The following LEF1 variants were observed in gnomAD, a reference collection of about 807,000 sequenced individuals.
The protein encoded by LEF1 is lymphoid enhancer binding factor 1.
A neutral mutation model predicts 51.2 loss-of-function variants in LEF1; 14 were observed. The observed-to-expected ratio is 0.27, with a 90% CI of 0.18 to 0.43. LEF1 has a LOEUF of 0.43. Among genes scored for constraint, LEF1 ranks in the 20% least tolerant of loss-of-function variants. LEF1 has a pLI of 1.00. For missense variants in LEF1, 386 were observed against 512.0 expected, an observed-to-expected ratio of 0.75 and a Z score of 2.37; for synonymous variants, 185 against 183.2, an observed-to-expected ratio of 1.01 and a Z score of -0.08.
At chr4:108,113,458 G>C (rs1046752250) in intron 3 of LEF1, among the ~76,000 whole-genome samples, 1 of 152,150 alleles carries the variant, frequency 6.6e-6, no homozygotes, top group Non-Finnish European at 1.5e-5. Flanking sequence ...TTGTGGGGGT[G>C]GGAGGGAAAC....
chr4:108,068,005 C>T (rs1578300704), intron 9 of LEF1, among the ~76,000 whole-genome samples: 2 of 152,114 alleles, frequency 1.3e-5, no homozygotes, highest in East Asian at 1.9e-4. Flanking sequence ...TGGTGGCTCA[C>T]GCTTATAATC....
chr4:108,081,061 C>A (rs541226896), intron 6 of LEF1, among the ~76,000 whole-genome samples: 19 of 152,256 alleles, frequency 1.2e-4, no homozygotes, highest in Admixed American at 3.3e-4. Context: ...AGGACGCACA[C>A]CCTGTATGGC....
chr4:108,077,932 T>G (rs1739011987), intron 8 of LEF1, among the ~76,000 whole-genome samples: 1 of 152,130 alleles, frequency 6.6e-6, no homozygotes. Flanking sequence ...TCCCAGCTAT[T>G]CGGGAGGTTG....
intron 6 of LEF1, among the ~76,000 whole-genome samples, 153 bp from the exon 7 acceptor site, chr4:108,079,767 T>C (rs1739161821): frequency 6.6e-6 from 1 of 152,166 alleles, no homozygotes; most frequent in South Asian, 2.1e-4. Context: ...AGTGGGCCGA[T>C]AATTATTTTT....
intron 11 of LEF1, 48 bp from the exon 12 acceptor site, chr4:108,048,799 C>T (rs766539413): frequency 1.4e-6 from 2 of 1,380,906 alleles, no homozygotes; most frequent in African/African-American, 2.9e-5. Context: ...TTGCCGTAGG[C>T]CTTAAGATTA....
intron 3 of LEF1, among the ~76,000 whole-genome samples, chr4:108,131,037 C>T (rs1742852645): frequency 6.6e-6 from 1 of 151,918 alleles, no homozygotes; most frequent in Non-Finnish European, 1.5e-5. Context: ...TTAGGAGTCT[C>T]AGTGTATTTT....
At chr4:108,134,021 C>T (rs1743077887) in intron 3 of LEF1, among the ~76,000 whole-genome samples, 1 of 152,036 alleles carries the variant, frequency 6.6e-6, no homozygotes, top group Non-Finnish European at 1.5e-5. Context: ...TTATACTCTC[C>T]CCAGTGGGGT....
chr4:108,137,993 A>C (rs1743405800), intron 3 of LEF1, among the ~76,000 whole-genome samples: 3 of 152,214 alleles, frequency 2.0e-5, no homozygotes, highest in Admixed American at 2.0e-4. Flanking sequence ...CAAATTACTG[A>C]AACCTAAGAG....
intron 3 of LEF1, among the ~76,000 whole-genome samples, chr4:108,149,458 CAAAAAAA>C (rs371482539): frequency 1.7e-5 from 1 of 60,606 alleles, no homozygotes; most frequent in African/African-American, 7.3e-5. Context: ...GACTCCGTCT[CAAAAAAA>C]AAAAAAAAAA....
At chr4:108,104,554 CAG>C (rs1741032244) in intron 3 of LEF1, 2 of 179,462 alleles carry the variant, frequency 1.1e-5, no homozygotes, top group African/African-American at 4.8e-5. Flanking sequence ...GTAGTGATGA[CAG>C]GGGAATTCCA....
At chr4:108,084,866 T>G (rs887335542) in intron 4 of LEF1, among the ~76,000 whole-genome samples, 1 of 152,088 alleles carries the variant, frequency 6.6e-6, no homozygotes, top group African/African-American at 2.4e-5. Flanking sequence ...GAGGAGGTTT[T>G]TCAACTTGCT....
At chr4:108,163,278 C>T (rs937770772) in intron 3 of LEF1, among the ~76,000 whole-genome samples, 1 of 152,092 alleles carries the variant, frequency 6.6e-6, no homozygotes, top group Non-Finnish European at 1.5e-5. Context: ...ATAGAATGCA[C>T]AATACTCATA....
At chr4:108,093,275 A>T (rs1416901153) in intron 3 of LEF1, among the ~76,000 whole-genome samples, 1 of 152,148 alleles carries the variant, frequency 6.6e-6, no homozygotes, top group East Asian at 1.9e-4. Flanking sequence ...TGGAATCAGC[A>T]GTAGAAAAGT....
intron 11 of LEF1, among the ~76,000 whole-genome samples, chr4:108,059,578 C>T (rs1481508155): frequency 1.3e-5 from 2 of 152,026 alleles, no homozygotes; most frequent in African/African-American, 2.4e-5. Flanking sequence ...CCTCTGCCTC[C>T]CAAAGTGCTG....
intron 11 of LEF1, among the ~76,000 whole-genome samples, chr4:108,052,349 G>A (rs753864986): frequency 3.3e-5 from 5 of 152,196 alleles, no homozygotes; most frequent in African/African-American, 4.8e-5. Flanking sequence ...TTCCTTTTAC[G>A]CCACTCTCAA....
chr4:108,165,192 G>C (rs1428481840), intron 1 of LEF1, 29 bp from the exon 2 acceptor site: 1 of 1,603,328 alleles, frequency 6.2e-7, no homozygotes, highest in East Asian at 2.2e-5. Context: ...ACACCCAAAA[G>C]AAAGAAAATC....
chr4:108,084,457 T>G (rs1222776420), intron 4 of LEF1, among the ~76,000 whole-genome samples: 1 of 152,222 alleles, frequency 6.6e-6, no homozygotes. Context: ...ACATGGAAGA[T>G]GTTTCTTAAA....
At chr4:108,160,809 C>A (rs1043625658) in intron 3 of LEF1, among the ~76,000 whole-genome samples, 10 of 152,172 alleles carry the variant, frequency 6.6e-5, no homozygotes, top group African/African-American at 2.2e-4. Flanking sequence ...CATTTCTCTG[C>A]ATGCCAGTTG....
chr4:108,152,320 T>A (rs1744405218), intron 3 of LEF1, among the ~76,000 whole-genome samples: 1 of 152,166 alleles, frequency 6.6e-6, no homozygotes. Flanking sequence ...AACTGAATCA[T>A]AAGCTGCAAG....
Sources: allele counts gnomAD v4.1 joint callset (sites outside exome capture counted in the v4.1 genomes callset), GRCh38; gene constraint gnomAD v4.1.1; transcripts MANE v1.5; gene names NCBI Gene and HGNC (gene_info 2026-07-23, HGNC 2026-07-21).